Variants in TXLNB observed in about 807,000 individuals in gnomAD.
The protein encoded by TXLNB is beta-taxilin.
Under a neutral mutation model 57.4 loss-of-function variants are expected in TXLNB, and 37 were observed. That is an observed-to-expected ratio of 0.64 (90% confidence interval 0.50 to 0.85). The LOEUF is 0.85. Among genes scored for constraint, TXLNB ranks in the 40% least tolerant of loss-of-function variants. The pLI is 0.00. For missense variants in TXLNB, 848 were observed against 825.6 expected (o/e 1.03, Z -0.33); for synonymous variants, 302 against 309.6 (o/e 0.98, Z 0.26).
intron 4 of TXLNB, among the ~76,000 whole-genome samples, chr6:139,263,044 G>C (rs1434314452): frequency 1.3e-5 from 2 of 152,218 alleles, no homozygotes; most frequent in Non-Finnish European, 2.9e-5. Context: ...CTTGCTGAGT[G>C]AATGAACTGC....
At chr6:139,219,250 A>G in the TXLNB span, among the ~76,000 whole-genome samples, 1 of 152,228 alleles carries the variant, frequency 6.6e-6, no homozygotes, top group Admixed American at 6.5e-5. Context: ...TTGGCAGAAG[A>G]GGAGGCCTAC....
At chr6:139,252,824 T>C (rs1184347490) in intron 7 of TXLNB, among the ~76,000 whole-genome samples, 8 of 152,124 alleles carry the variant, frequency 5.3e-5, no homozygotes, top group Admixed American at 5.2e-4. Context: ...ACCCTGTCTC[T>C]ACTAAAAATA....
chr6:139,216,507 G>A, the TXLNB span, among the ~76,000 whole-genome samples: 1 of 150,700 alleles, frequency 6.6e-6, no homozygotes, highest in Non-Finnish European at 1.5e-5. Context: ...GATAGCATTA[G>A]GAGATATACC....
At chr6:139,256,518 C>T (rs1398137206) in intron 6 of TXLNB, among the ~76,000 whole-genome samples, 1 of 152,168 alleles carries the variant, frequency 6.6e-6, no homozygotes. Context: ...TTACTAGAGA[C>T]GGGGTTTTGC....
chr6:139,226,748 G>A, the TXLNB span, among the ~76,000 whole-genome samples: 4 of 152,126 alleles, frequency 2.6e-5, no homozygotes, highest in African/African-American at 7.2e-5. Flanking sequence ...TACAATGAGG[G>A]TCAGGTGCAT....
the TXLNB span, among the ~76,000 whole-genome samples, chr6:139,319,038 G>A: frequency 2.0e-5 from 3 of 150,518 alleles, no homozygotes; most frequent in South Asian, 4.2e-4. Flanking sequence ...AGCCTGCTGG[G>A]TTCAAGAGAT....
chr6:139,182,954 T>C, the TXLNB span: 28 of 152,358 alleles, frequency 1.8e-4, no homozygotes, highest in Admixed American at 1.8e-3. Flanking sequence ...TCTGTTACAC[T>C]TGATTAAAAA....
In TXLNB at chr6:139,260,306, A is replaced by C; in HGVS notation, c.1002+12T>G. The C allele has an allele frequency of 6.2e-7, 1 of 1,613,858 alleles. No homozygotes were observed. The highest frequency in any genetic ancestry group is 8.5e-7 in the Non-Finnish European group (1 of 1,179,938). On this transcript the variant is annotated intron_variant, in intron 6 of 9. Coordinates refer to ENST00000358430, the MANE Select transcript of TXLNB (RefSeq NM_153235.4). ...TAGACCAGATATGCACAACGACTAA[A>C]ATGATAAATACATATTCCTTTTCTC...
chr6:139,189,405 T>C, the TXLNB span, among the ~76,000 whole-genome samples: 1 of 152,200 alleles, frequency 6.6e-6, no homozygotes. Context: ...TTTAAAATAG[T>C]CAAATTAGTG....
chr6:139,270,330 G>A (rs932287597), intron 4 of TXLNB, 126 bp downstream of exon 4: 1 of 864,000 alleles, frequency 1.2e-6, no homozygotes. Flanking sequence ...AGCAAGCAAG[G>A]GGCAGAGGCA....
chr6:139,310,132 C>G, the TXLNB span, among the ~76,000 whole-genome samples: 6 of 152,230 alleles, frequency 3.9e-5, no homozygotes, highest in Non-Finnish European at 8.8e-5. Flanking sequence ...ATAAATGGGG[C>G]TCCATCAAAT....
the TXLNB span, among the ~76,000 whole-genome samples, chr6:139,217,749 A>G: frequency 9.9e-5 from 15 of 151,494 alleles, no homozygotes; most frequent in Admixed American, 9.2e-4. Context: ...GTTGCCTGTG[A>G]TCCCAGCTAC....
At chr6:139,196,364 G>GTTTTTTTTTTTTTTTTTTTTTTTTTTT in the TXLNB span, among the ~76,000 whole-genome samples, 6 of 86,770 alleles carry the variant, frequency 6.9e-5, 3 homozygotes, top group African/African-American at 9.1e-5. Context: ...CTCCAGATCT[G>GTTTTTTTTTTTTTTTTTTTTTTTTTTT]GTTTTTTTTT....
rs1343402756 is a variant in TXLNB at position 139,242,258 on chromosome 6, G to T, written c.*268C>A. 6.5e-6 allele frequency: 2 copies of T among 309,126 alleles called. No individual in the cohort carries two copies. The highest frequency in any genetic ancestry group is 1.2e-5 in the Non-Finnish European group (2 of 170,904). The allele number at this position is 309,126 out of a possible 1,614,324, so 19.1% of individuals were successfully genotyped here. On this transcript the variant is annotated 3_prime_UTR_variant, in exon 10 of 10. Transcript: ENST00000358430. Reference sequence around the variant, plus strand: ...TTTAAGTATTATCTTAACAGAAAAGGAATATAAATTTGCTATCTGTATGTT... The same window carrying T: ...TTTAAGTATTATCTTAACAGAAAAGTAATATAAATTTGCTATCTGTATGTT...
chr6:139,164,297 C>G, the TXLNB span, among the ~76,000 whole-genome samples: 7 of 152,082 alleles, frequency 4.6e-5, no homozygotes, highest in South Asian at 1.5e-3. Flanking sequence ...GCTTCATGAC[C>G]AAGCCCAGTG....
chr6:139,211,309 A>G, the TXLNB span, among the ~76,000 whole-genome samples: 1 of 152,146 alleles, frequency 6.6e-6, no homozygotes, highest in Admixed American at 6.6e-5. Flanking sequence ...AGGCAGCAGC[A>G]TTTGCGGTTC....
chr6:139,233,114 T>G, the TXLNB span, among the ~76,000 whole-genome samples: 1 of 151,940 alleles, frequency 6.6e-6, no homozygotes, highest in African/African-American at 2.4e-5. Flanking sequence ...CACTCAAATC[T>G]GGTACCTATT....
chr6:139,217,263 C>A, the TXLNB span, among the ~76,000 whole-genome samples: 1 of 152,036 alleles, frequency 6.6e-6, no homozygotes, highest in Admixed American at 6.6e-5. Context: ...CTTTTGACTG[C>A]ATCATGGGAA....
the TXLNB span, among the ~76,000 whole-genome samples, chr6:139,204,795 C>T: frequency 6.6e-6 from 1 of 152,132 alleles, no homozygotes; most frequent in Admixed American, 6.5e-5. Flanking sequence ...TGAGACCAGC[C>T]TCGCCAACTG....
Sources: allele counts gnomAD v4.1 joint callset (sites outside exome capture counted in the v4.1 genomes callset), GRCh38; gene constraint gnomAD v4.1.1; transcripts MANE v1.5; gene names NCBI Gene and HGNC (gene_info 2026-07-23, HGNC 2026-07-21).